The following CMIP variants were observed in gnomAD, a reference collection of about 807,000 sequenced individuals.
CMIP encodes the protein C-Maf-inducing protein.
Under a neutral mutation model 97.3 loss-of-function variants are expected in CMIP, and 13 were observed. The observed-to-expected ratio is 0.13, with a 90% CI of 0.09 to 0.21. The LOEUF is 0.21. CMIP is among the 10% of genes least tolerant of loss of function. CMIP has a pLI of 1.00. For synonymous variants in CMIP, 538 were observed against 436.3 expected, an observed-to-expected ratio of 1.23 and a Z score of -2.91; for missense variants, 847 against 1,024.9, an observed-to-expected ratio of 0.83 and a Z score of 2.37.
chr16:81,695,447 G>C (rs531390755), intron 13 of CMIP: 4 of 152,356 alleles, frequency 2.6e-5, no homozygotes, highest in Middle Eastern at 3.4e-3. Flanking sequence ...CTGTGTGCTC[G>C]TGTGTGGGTT....
chr16:81,700,981 C>T (rs1044509425), intron 15 of CMIP, among the ~76,000 whole-genome samples: 1 of 152,082 alleles, frequency 6.6e-6, no homozygotes, highest in Non-Finnish European at 1.5e-5. Flanking sequence ...TGACCTGCTC[C>T]TTGGTGAGTG....
chr16:81,455,154 C>T (rs753588590), intron 1 of CMIP, among the ~76,000 whole-genome samples: 18 of 152,308 alleles, frequency 1.2e-4, no homozygotes, highest in South Asian at 2.1e-4. Context: ...GCCGGCCAGC[C>T]GGGAGCCCGG....
intron 3 of CMIP, among the ~76,000 whole-genome samples, chr16:81,643,467 C>T (rs1388058817): frequency 6.6e-6 from 1 of 152,158 alleles, no homozygotes. Flanking sequence ...CAACACTGTG[C>T]TAAACGCCGC....
intron 1 of CMIP, among the ~76,000 whole-genome samples, chr16:81,578,151 C>T (rs1384628065): frequency 6.6e-6 from 1 of 151,840 alleles, no homozygotes; most frequent in African/African-American, 2.4e-5. Context: ...CCATCACCAC[C>T]ATCATAACCA....
At chr16:81,658,655 A>G (rs1481351244) in intron 5 of CMIP, among the ~76,000 whole-genome samples, 2 of 152,264 alleles carry the variant, frequency 1.3e-5, no homozygotes, top group African/African-American at 2.4e-5. Flanking sequence ...ACAAAGATTT[A>G]AAGCAACGTA....
chr16:81,568,049 T>TTTTG (rs1263368372), intron 1 of CMIP, among the ~76,000 whole-genome samples: 115 of 149,800 alleles, frequency 7.7e-4, no homozygotes, highest in African/African-American at 2.6e-3. Context: ...GTTTTTTTTT[T>TTTTG]TTTTTTTTTT....
chr16:81,520,069 G>A (rs1319246250), intron 1 of CMIP: 1 of 152,502 alleles, frequency 6.6e-6, no homozygotes, highest in Non-Finnish European at 1.5e-5. Flanking sequence ...GTGGCCTGGT[G>A]GGGTCATTTC....
chr16:81,492,737 C>A (rs1001869786), intron 1 of CMIP, among the ~76,000 whole-genome samples: 17 of 151,880 alleles, frequency 1.1e-4, no homozygotes, highest in African/African-American at 3.6e-4. Flanking sequence ...AAAAATAGAC[C>A]ACGGAAACGG....
chr16:81,667,061 C>A (rs2151030083), intron 7 of CMIP: 1 of 152,118 alleles, frequency 6.6e-6, no homozygotes, highest in African/African-American at 2.4e-5. Context: ...CTGCTCTTCA[C>A]CCCAAATGCA....
intron 10 of CMIP, among the ~76,000 whole-genome samples, chr16:81,685,007 G>A (rs925769418): frequency 2.6e-5 from 4 of 152,214 alleles, no homozygotes; most frequent in African/African-American, 9.6e-5. Context: ...TGGGTCCTGT[G>A]CCGAGGCCCG....
intron 1 of CMIP, among the ~76,000 whole-genome samples, chr16:81,535,463 A>G (rs1189479047): frequency 7.5e-6 from 1 of 133,434 alleles, no homozygotes; most frequent in African/African-American, 2.6e-5. Context: ...TAGCACTGGA[A>G]TGCTTTTTTT....
intron 1 of CMIP, among the ~76,000 whole-genome samples, chr16:81,554,802 C>T (rs751761363): frequency 2.0e-5 from 3 of 152,186 alleles, no homozygotes; most frequent in Admixed American, 2.0e-4. Flanking sequence ...TGGGACCCAA[C>T]GAAAGCATAG....
intron 1 of CMIP, among the ~76,000 whole-genome samples, chr16:81,457,877 C>T (rs1168845129): frequency 6.6e-6 from 1 of 152,172 alleles, no homozygotes; most frequent in Non-Finnish European, 1.5e-5. Flanking sequence ...CACCCCAGGC[C>T]CCCAGAAGGA....
chr16:81,680,933 C>G (rs925608704), intron 10 of CMIP, among the ~76,000 whole-genome samples: 1 of 152,184 alleles, frequency 6.6e-6, no homozygotes, highest in African/African-American at 2.4e-5. Flanking sequence ...TTTCAGCACG[C>G]AGTTGACACA....
intron 3 of CMIP, among the ~76,000 whole-genome samples, chr16:81,641,365 T>C (rs1470609516): frequency 6.6e-6 from 1 of 151,998 alleles, no homozygotes; most frequent in East Asian, 1.9e-4. Flanking sequence ...AGATGAGATG[T>C]CATCCCTGCT....
chr16:81,637,854 A>G (rs1212851843), intron 3 of CMIP, among the ~76,000 whole-genome samples: 1 of 152,310 alleles, frequency 6.6e-6, no homozygotes, highest in East Asian at 1.9e-4. Context: ...TCCACCATCA[A>G]GGTAGATTGG....
chr16:81,532,848 C>T (rs905586400), intron 1 of CMIP, among the ~76,000 whole-genome samples: 8 of 152,182 alleles, frequency 5.3e-5, no homozygotes, highest in African/African-American at 1.9e-4. Context: ...CCTCCTGCGC[C>T]TCTCTGCCCA....
Position 81,701,729 on chromosome 16 carries a change from C to T in CMIP, c.1825C>T (p.Leu609=), listed in dbSNP as rs1199972640. 3 of 1,613,818 alleles carry T rather than the reference C, an allele frequency of 1.9e-6. No homozygotes were observed. The highest frequency in any genetic ancestry group is 1.3e-5 in the African/African-American group (1 of 74,944). The change falls in exon 16 of 21, where the codon CTG becomes TTG. Residue 609 remains leucine (L), a synonymous_variant. Coordinates refer to ENST00000537098, the MANE Select transcript of CMIP (RefSeq NM_198390.3). ...NDTQLQIIST[L]ESTDVGKRMY... ...CACCCAACTGCAGATCATCTCAACC[C>T]TGGAGAGCACAGACGTGGGGAAGCG... is the stretch of plus-strand genomic sequence containing the variant.
chr16:81,646,144 T>C (rs1436535402), intron 3 of CMIP, among the ~76,000 whole-genome samples: 1 of 144,760 alleles, frequency 6.9e-6, no homozygotes, highest in African/African-American at 2.6e-5. Flanking sequence ...GGGTGGATAG[T>C]TGGGTGGGTG....
Sources: gnomAD v4.1 joint callset for allele counts (sites outside exome capture counted in the v4.1 genomes callset) on GRCh38, gnomAD v4.1.1 for gene constraint, MANE v1.5 for transcripts, NCBI Gene and HGNC (gene_info 2026-07-23, HGNC 2026-07-21) for gene names.